Variants in SEMA3A observed in about 807,000 individuals in gnomAD.
SEMA3A encodes semaphorin 3A, also known as semaphorin-3A.
In SEMA3A, 29 loss-of-function variants were observed where a neutral mutation model predicts 97.9. That is an observed-to-expected ratio of 0.30 (90% CI 0.22 to 0.40). The LOEUF (loss-of-function observed/expected upper bound fraction) is 0.40. Among genes scored for constraint, SEMA3A ranks in the 10% least tolerant of loss-of-function variants. SEMA3A has a pLI of 1.00. For synonymous variants in SEMA3A, 321 were observed against 323.7 expected, an observed-to-expected ratio of 0.99 and a Z score of 0.09; for missense variants, 763 against 951.3, an observed-to-expected ratio of 0.80 and a Z score of 2.60.
intron 1 of SEMA3A, among the ~76,000 whole-genome samples, chr7:84,190,919 T>C (rs985437006): frequency 6.7e-6 from 1 of 149,040 alleles, no homozygotes; most frequent in East Asian, 1.9e-4. Flanking sequence ...TTGAAATATA[T>C]GGTATATGTA....
chr7:83,979,165 G>A (rs1240274170), intron 14 of SEMA3A, among the ~76,000 whole-genome samples: 17 of 127,188 alleles, frequency 1.3e-4, no homozygotes, highest in African/African-American at 5.1e-4. Flanking sequence ...ACAGAGTCTT[G>A]CTTTGTCACC....
At chr7:84,134,581 T>C (rs1488252401) in intron 2 of SEMA3A, among the ~76,000 whole-genome samples, 1 of 152,222 alleles carries the variant, frequency 6.6e-6, no homozygotes, top group South Asian at 2.1e-4. Flanking sequence ...TTTCTTATAA[T>C]GATTACTGCA....
At chr7:84,452,477 T>G (rs557020449) in intron 1 of SEMA3A, among the ~76,000 whole-genome samples, 2 of 152,202 alleles carry the variant, frequency 1.3e-5, no homozygotes, top group Non-Finnish European at 2.9e-5. Flanking sequence ...TGAGAGAATT[T>G]TGTTATTCCC....
At chr7:84,041,160 A>G (rs1305738243) in intron 6 of SEMA3A, among the ~76,000 whole-genome samples, 1 of 152,060 alleles carries the variant, frequency 6.6e-6, no homozygotes, top group African/African-American at 2.4e-5. Flanking sequence ...TTTTTATTCC[A>G]AAGCTTTATT....
Position 84,321,872 on chromosome 7 carries a change from G to GAAAAAA in SEMA3A, c.-168-14586_-168-14581dup, listed in dbSNP as rs1156548285. Among the ~76,000 whole-genome samples the GAAAAAA allele has an allele frequency of 2.3e-3, 28 of 12,044 alleles. 2 individuals are homozygous for GAAAAAA. Among genetic ancestry groups the GAAAAAA allele is most frequent in the South Asian group, 4.2e-3 (1 of 240 alleles). 7.9% of individuals were successfully genotyped at this position (12,044 alleles called of 152,430 possible). On this transcript the variant is annotated intron_variant, in intron 2 of 3. Coordinates refer to the SEMA3A transcript ENST00000424555. ...GCCTGGCCGACAGAGCGAGACTACG[G>GAAAAAA]AAAAAAAAAAAAAAAAAAAAAAAAA...
At chr7:84,334,517 T>G (rs937919178) in intron 2 of SEMA3A, among the ~76,000 whole-genome samples, 22 of 152,174 alleles carry the variant, frequency 1.4e-4, no homozygotes, top group Middle Eastern at 3.4e-3. Flanking sequence ...ATCCTTCCCC[T>G]TATTTCCTGC....
Position 84,011,086 on chromosome 7 carries a change from C to T in SEMA3A, c.931G>A (p.Val311Ile). 6.2e-7 allele frequency: 1 copy of T among 1,611,872 alleles called. No individual in the cohort carries two copies. The change falls in exon 9 of 17, where the codon GTA becomes ATA. Residue 311 changes from valine to isoleucine, a missense_variant. Val to Ile is a conservative substitution (Grantham distance 29, BLOSUM62 3). Coordinates refer to ENST00000265362, the MANE Select transcript of SEMA3A (RefSeq NM_006080.3). ...GGATCTTTAAAGTTCATTAGGAATA[C>T]ATCCTCTGTTTAAAAACAAAATTGG... Reference protein sequence around the residue: ...IDTHFDELQDVFLMNFKDPKN... With the variant: ...IDTHFDELQDIFLMNFKDPKN...
At chr7:84,316,609 T>C (rs570327564) in intron 2 of SEMA3A, among the ~76,000 whole-genome samples, 23 of 152,256 alleles carry the variant, frequency 1.5e-4, no homozygotes, top group African/African-American at 5.3e-4. Context: ...TAGATAGAGA[T>C]AGAAAGAGAA....
intron 3 of SEMA3A, among the ~76,000 whole-genome samples, chr7:84,276,988 A>G (rs1343888002): frequency 6.6e-6 from 1 of 152,110 alleles, no homozygotes; most frequent in Non-Finnish European, 1.5e-5. Context: ...TAGGCCACTT[A>G]TGAATTCCAA....
At chr7:84,050,114 T>C (rs1792549685) in intron 5 of SEMA3A, among the ~76,000 whole-genome samples, 1 of 151,662 alleles carries the variant, frequency 6.6e-6, no homozygotes, top group South Asian at 2.1e-4. Context: ...CAGTCTATCA[T>C]TGTTGGACAT....
chr7:84,025,708 C>T (rs1054613295), intron 6 of SEMA3A, among the ~76,000 whole-genome samples: 1 of 152,156 alleles, frequency 6.6e-6, no homozygotes, highest in Admixed American at 6.5e-5. Context: ...AAGATAAACA[C>T]AGAAGGCAAG....
At chr7:84,200,083 C>A (rs1425179198), upstream of SEMA3A, among the ~76,000 whole-genome samples, 1 of 151,862 alleles carries the variant, frequency 6.6e-6, no homozygotes, top group East Asian at 1.9e-4. Flanking sequence ...ATGCCCTGAC[C>A]CACCCTCATC....
intron 12 of SEMA3A, among the ~76,000 whole-genome samples, chr7:83,996,709 G>A (rs903129927): frequency 6.6e-6 from 1 of 151,712 alleles, no homozygotes; most frequent in Non-Finnish European, 1.5e-5. Context: ...TAACTAACGT[G>A]TTGAGAATCA....
chr7:84,025,737 T>C (rs942371190), intron 6 of SEMA3A, among the ~76,000 whole-genome samples: 2 of 152,166 alleles, frequency 1.3e-5, no homozygotes, highest in Non-Finnish European at 2.9e-5. Context: ...ATAGATACTG[T>C]TTATTGCACC....
chr7:84,321,729 A>T (rs1161652354), intron 2 of SEMA3A, among the ~76,000 whole-genome samples: 1 of 151,878 alleles, frequency 6.6e-6, no homozygotes, highest in Non-Finnish European at 1.5e-5. Context: ...ACAAAAAATT[A>T]GCCGGGCGTG....
At position 84,430,864 on chromosome 7, in the gene SEMA3A, A is replaced by G. The variant is rs530660210; in HGVS notation, c.-245-58964T>C. 1.7e-4 allele frequency among the ~76,000 whole-genome samples: 26 copies of G among 151,566 alleles called. No individual in the cohort carries two copies. The East Asian group carries it at 4.5e-3, about 26-fold the overall frequency. On this transcript the variant is annotated intron_variant, in intron 1 of 3. Coordinates refer to the SEMA3A transcript ENST00000424555. Reference sequence around the variant, plus strand: ...GTATTTTTACTGTATTTAGACCAGCATTTAGTTTTGGCAAAGAAATAAACA... The same window carrying G: ...GTATTTTTACTGTATTTAGACCAGCGTTTAGTTTTGGCAAAGAAATAAACA...
At chr7:84,269,933 C>T (rs1285690900) in intron 3 of SEMA3A, among the ~76,000 whole-genome samples, 3 of 152,068 alleles carry the variant, frequency 2.0e-5, no homozygotes, top group Non-Finnish European at 2.9e-5. Flanking sequence ...AATTTAACTT[C>T]TGAAGATGAA....
intron 1 of SEMA3A, among the ~76,000 whole-genome samples, chr7:84,390,477 T>TTA (rs1803512770): frequency 1.3e-5 from 2 of 151,938 alleles, no homozygotes; most frequent in Middle Eastern, 6.8e-3. Flanking sequence ...TGTGAGAACA[T>TTA]TATCTAGATT....
chr7:84,101,493 G>T (rs976037573), intron 4 of SEMA3A, among the ~76,000 whole-genome samples: 1 of 152,048 alleles, frequency 6.6e-6, no homozygotes, highest in African/African-American at 2.4e-5. Context: ...AAACCACTGT[G>T]CAACTATAAC....
Sources: allele counts gnomAD v4.1 joint callset (sites outside exome capture counted in the v4.1 genomes callset), GRCh38; gene constraint gnomAD v4.1.1; transcripts MANE v1.5; gene names NCBI Gene and HGNC (gene_info 2026-07-23, HGNC 2026-07-21).